The following MCTP2 variants were observed in gnomAD, a reference collection of about 807,000 sequenced individuals.
MCTP2 encodes the protein multiple C2 and transmembrane domain-containing protein 2.
Under a neutral mutation model 111.6 loss-of-function variants are expected in MCTP2, and 132 were observed. The ratio of observed to expected loss-of-function variants is 1.18; its 90% confidence interval spans 1.03 to 1.37. The LOEUF is 1.37. MCTP2 is among the 40% of genes most tolerant of loss of function. The pLI is 0.00. For missense variants in MCTP2, 1,183 were observed against 1,067.9 expected, an observed-to-expected ratio of 1.11 and a Z score of -1.50; for synonymous variants, 395 against 387.7, an observed-to-expected ratio of 1.02 and a Z score of -0.22.
intron 17 of MCTP2, among the ~76,000 whole-genome samples, chr15:94,429,592 G>T (rs2083069300): frequency 6.6e-6 from 1 of 152,054 alleles, no homozygotes; most frequent in Admixed American, 6.6e-5. Context: ...CTTTGTCTCT[G>T]GCATTTCCTC....
At chr15:94,330,533 C>A (rs1166486587) in intron 4 of MCTP2, among the ~76,000 whole-genome samples, 1 of 151,812 alleles carries the variant, frequency 6.6e-6, no homozygotes, top group African/African-American at 2.4e-5. Context: ...TCCTCTAAAC[C>A]TTTCTAGTCT....
chr15:94,391,108 G>A (rs548925138), intron 14 of MCTP2, among the ~76,000 whole-genome samples: 14 of 152,048 alleles, frequency 9.2e-5, no homozygotes, highest in Non-Finnish European at 1.6e-4. Flanking sequence ...ATAATCAGAA[G>A]CATGGGTCTT....
chr15:94,243,673 A>C (rs1422224910), intron 1 of MCTP2, among the ~76,000 whole-genome samples: 3 of 148,350 alleles, frequency 2.0e-5, no homozygotes, highest in Admixed American at 6.7e-5. Flanking sequence ...GTATATATAC[A>C]CATATATGTA....
intron 1 of MCTP2, among the ~76,000 whole-genome samples, chr15:94,285,203 G>C (rs937781007): frequency 1.3e-5 from 2 of 152,208 alleles, no homozygotes; most frequent in African/African-American, 4.8e-5. Context: ...GCATCAGTGA[G>C]TTTGACAACA....
rs2074755518 is a variant in MCTP2, at chr15:94,482,080, T to G, written c.*3046T>G. 1 of 152,240 alleles carries G rather than the reference T, an allele frequency of 6.6e-6. No individual in the cohort carries two copies. The allele number at this position is 152,240 out of a possible 1,614,324, so 9.4% of individuals were successfully genotyped here. A position where few individuals can be genotyped will look rare whatever the true frequency, so the allele number is the denominator to read the frequency against. ...GGTAAAACAATCTTCTGGATTCTTT[T>G]TTCTTTACTTGTAAATTATCATTTA... On this transcript the variant is annotated 3_prime_UTR_variant, in exon 23 of 23. Coordinates refer to ENST00000357742, the MANE Select transcript of MCTP2 (RefSeq NM_001385001.1).
At chr15:94,411,015 G>GA (rs1350704503) in intron 17 of MCTP2, among the ~76,000 whole-genome samples, 1 of 152,188 alleles carries the variant, frequency 6.6e-6, no homozygotes, top group Non-Finnish European at 1.5e-5. Context: ...AAGAGAGCTG[G>GA]AAAATCTCTA....
intron 14 of MCTP2, among the ~76,000 whole-genome samples, chr15:94,391,106 A>G (rs137855743): frequency 1.7e-3 from 253 of 152,038 alleles, no homozygotes; most frequent in Non-Finnish European, 1.4e-3. Flanking sequence ...GTATAATCAG[A>G]AGCATGGGTC....
chr15:94,325,525 T>A (rs1326712913), intron 4 of MCTP2, among the ~76,000 whole-genome samples: 1 of 152,162 alleles, frequency 6.6e-6, no homozygotes, highest in East Asian at 1.9e-4. Flanking sequence ...TCTTTTGAGA[T>A]AAAAGTTCCT....
chr15:94,239,257 A>G (rs1027690424), intron 1 of MCTP2, among the ~76,000 whole-genome samples: 11 of 152,210 alleles, frequency 7.2e-5, no homozygotes, highest in African/African-American at 2.7e-4. Flanking sequence ...GCTTAACGTA[A>G]AAGATATGTA....
chr15:94,374,898 C>T (rs2079677982), intron 12 of MCTP2, among the ~76,000 whole-genome samples: 1 of 152,156 alleles, frequency 6.6e-6, no homozygotes, highest in Non-Finnish European at 1.5e-5. Flanking sequence ...AGTGACATAA[C>T]AGCACAACAG....
At chr15:94,333,496 A>T (rs1399272041) in intron 4 of MCTP2, among the ~76,000 whole-genome samples, 2 of 151,906 alleles carry the variant, frequency 1.3e-5, no homozygotes, top group African/African-American at 2.4e-5. Flanking sequence ...TTACAGGTTC[A>T]TTTTATTTGC....
intron 8 of MCTP2, among the ~76,000 whole-genome samples, chr15:94,347,332 TAAAG>T (rs569917259): frequency 9.3e-4 from 142 of 152,294 alleles, no homozygotes; most frequent in African/African-American, 3.2e-3. Flanking sequence ...TAATTTAACA[TAAAG>T]AAGATTACTT....
chr15:94,293,987 T>G (rs903077557), intron 1 of MCTP2, among the ~76,000 whole-genome samples: 1 of 152,204 alleles, frequency 6.6e-6, no homozygotes, highest in Non-Finnish European at 1.5e-5. Flanking sequence ...AAGGGGTAAA[T>G]AGATTAATTG....
intron 17 of MCTP2, among the ~76,000 whole-genome samples, chr15:94,417,453 GT>G (rs1419271084): frequency 6.6e-6 from 1 of 152,052 alleles, no homozygotes; most frequent in Non-Finnish European, 1.5e-5. Flanking sequence ...TAGTTGCTGG[GT>G]TTTGATTTGA....
chr15:94,293,221 A>T (rs764110864), intron 1 of MCTP2, among the ~76,000 whole-genome samples: 27 of 152,294 alleles, frequency 1.8e-4, no homozygotes, highest in Admixed American at 9.8e-4. Flanking sequence ...GACTATATCA[A>T]AATTAAAAAC....
At chr15:94,473,924 A>G (rs1427279019) in intron 21 of MCTP2, among the ~76,000 whole-genome samples, 3 of 150,300 alleles carry the variant, frequency 2.0e-5, no homozygotes, top group Admixed American at 6.7e-5. Context: ...CAGCCATGCA[A>G]TTTTTCCATC....
chr15:94,429,306 C>T (rs1424353009), intron 17 of MCTP2, among the ~76,000 whole-genome samples: 1 of 152,080 alleles, frequency 6.6e-6, no homozygotes, highest in African/African-American at 2.4e-5. Flanking sequence ...ATTTATCTCT[C>T]TCTCCTCATT....
At chr15:94,474,694 TAAAAC>T (rs1046411793) in intron 21 of MCTP2, among the ~76,000 whole-genome samples, 3 of 151,896 alleles carry the variant, frequency 2.0e-5, no homozygotes, top group African/African-American at 2.4e-5. Context: ...CCCCATCTCT[TAAAAC>T]AAAAAAAGGA....
At chr15:94,361,757 C>T (rs950147098) in intron 10 of MCTP2, among the ~76,000 whole-genome samples, 5 of 152,130 alleles carry the variant, frequency 3.3e-5, no homozygotes, top group South Asian at 2.1e-4. Context: ...CAGTGACCAT[C>T]GTCAAGGACA....
Sources: gnomAD v4.1 joint callset for allele counts (sites outside exome capture counted in the v4.1 genomes callset) on GRCh38, gnomAD v4.1.1 for gene constraint, MANE v1.5 for transcripts, NCBI Gene and HGNC (gene_info 2026-07-23, HGNC 2026-07-21) for gene names.